ATL2: variants seen among roughly 807,000 people sequenced by gnomAD.
ATL2 encodes atlastin-2.
ATL2 carries 31 observed loss-of-function variants against 73.9 expected under a neutral mutation model. The observed-to-expected ratio is 0.42, with a 90% CI of 0.32 to 0.57. The LOEUF (loss-of-function observed/expected upper bound fraction) is 0.57, where lower values mean the gene tolerates loss of function less well. Ranked by LOEUF, ATL2 falls within the 20% of genes least tolerant of loss-of-function variation. ATL2 has a pLI of 0.14. For synonymous variants in ATL2, 291 were observed against 237.5 expected (o/e 1.23, Z -2.07); for missense variants, 738 against 702.6 (o/e 1.05, Z -0.57).
chr2:38,306,731 A>G (rs957628878), intron 9 of ATL2, among the ~76,000 whole-genome samples: 2 of 152,246 alleles, frequency 1.3e-5, no homozygotes, highest in African/African-American at 4.8e-5. Context: ...CAAAAGGTAC[A>G]GAAGAAACAG....
In ATL2 at chr2:38,325,679, CACACACACACACACACCAGT is replaced by C. The variant is rs1367046311; in HGVS notation, c.364-6680_364-6661del. Among the ~76,000 whole-genome samples, 58 of 76,706 alleles carry C rather than the reference CACACACACACACACACCAGT, an allele frequency of 7.6e-4. 1 individual carries two copies. The highest frequency in any genetic ancestry group is 3.9e-3 in the African/African-American group (32 of 8,134). The allele number at this position is 76,706 out of a possible 152,430, so 50.3% of individuals were successfully genotyped here. A position where few individuals can be genotyped will look rare whatever the true frequency, so the allele number is the denominator to read the frequency against. ...ACACCAGTACACACACACACACACA[CACACACACACACACACCAGT>C]ACACACACACACACACACACACACA... On this transcript the variant is annotated intron_variant, in intron 2 of 12. Coordinates refer to ENST00000378954, the MANE Select transcript of ATL2 (RefSeq NM_001135673.4).
intron 1 of ATL2, among the ~76,000 whole-genome samples, chr2:38,365,143 A>ACACACACACACACACG (rs1671240957): frequency 6.7e-6 from 1 of 148,266 alleles, no homozygotes; most frequent in Non-Finnish European, 1.5e-5. Flanking sequence ...ATACACACAC[A>ACACACACACACACACG]CACACACACA....
rs755842865 is a variant in ATL2, at chr2:38,318,588, T to C, written c.550A>G (p.Ile184Val). ...TQGAFDSQST[I>V]KDCATVFALS... The stretch of plus-strand genomic sequence containing the variant: ...GCAAACACCGTTGCACAGTCTTTGA[T>C]AGTTGACTGGCTATCAAAGGCACCC... The change falls in exon 4 of 13, where the codon ATC (isoleucine) becomes GTC (valine). Residue 184 changes from isoleucine (I) to valine (V), a missense_variant. Physicochemically the swap from Ile to Val is conservative, Grantham distance 29. Transcript: ENST00000378954. The C allele has an allele frequency of 3.7e-6, 6 of 1,612,936 alleles. No homozygotes were observed. The highest frequency in any genetic ancestry group is 2.7e-5 in the African/African-American group (2 of 74,838).
intron 2 of ATL2, among the ~76,000 whole-genome samples, chr2:38,339,015 A>G (rs1669537988): frequency 6.6e-6 from 1 of 152,136 alleles, no homozygotes; most frequent in Non-Finnish European, 1.5e-5. Context: ...CAGGAGTTTG[A>G]GACCAGCCTA....
chr2:38,341,172 A>T (rs371933337), intron 2 of ATL2, among the ~76,000 whole-genome samples: 1 of 152,244 alleles, frequency 6.6e-6, no homozygotes, highest in East Asian at 1.9e-4. Context: ...CATTTGCACT[A>T]AACAGCTTAG....
At chr2:38,376,406 C>A in intron 1 of ATL2, 2 of 434,346 alleles carry the variant, frequency 4.6e-6, no homozygotes, top group African/African-American at 1.9e-5. Context: ...CAGACACTTT[C>A]AGAGTGATCA....
chr2:38,360,335 C>G (rs28420166), intron 1 of ATL2, among the ~76,000 whole-genome samples: 17,868 of 150,648 alleles, frequency 0.12, 3,152 homozygotes, highest in African/African-American at 0.39. Context: ...GCCCAGGCTG[C>G]AGTACAGTGG....
upstream of ATL2, chr2:38,377,365 T>A: frequency 1.4e-5 from 12 of 848,952 alleles, no homozygotes; most frequent in Non-Finnish European, 1.9e-5. Context: ...AGCGCCGCTC[T>A]CCGCCTGTAT....
At chr2:38,334,551 A>G (rs1351205997) in intron 2 of ATL2, among the ~76,000 whole-genome samples, 1 of 151,444 alleles carries the variant, frequency 6.6e-6, no homozygotes, top group Non-Finnish European at 1.5e-5. Context: ...ATACAAAATT[A>G]GCCGGGCGTA....
At chr2:38,300,415 ATAAT>A (rs1667126676) in intron 9 of ATL2, 87 bp from the exon 10 acceptor site, 1 of 877,294 alleles carries the variant, frequency 1.1e-6, no homozygotes, top group South Asian at 1.5e-5. Context: ...AAATATAAAA[ATAAT>A]TAACACCATT....
rs75055366 is a variant in ATL2, at chr2:38,318,652, G to A, written c.499-13C>T. 11 of 1,567,478 alleles carry A rather than the reference G, an allele frequency of 7.0e-6. No individual in the cohort carries two copies. The South Asian group carries it at 1.2e-4, about 17-fold the overall frequency. On this transcript the variant is annotated splice_polypyrimidine_tract_variant and intron_variant, in intron 3 of 12. Transcript: ENST00000378954. ...GCAGCACAGCAACCTAGGAATTTGAGAGTTTAAAATATTTAGTAAAACAGT... is the reference window on the plus strand; with the variant it reads ...GCAGCACAGCAACCTAGGAATTTGAAAGTTTAAAATATTTAGTAAAACAGT...
intron 5 of ATL2, 37 bp from the exon 6 acceptor site, chr2:38,314,701 G>C: frequency 2.2e-6 from 3 of 1,356,066 alleles, no homozygotes; most frequent in Non-Finnish European, 3.1e-6. Flanking sequence ...TGCCTCTAAA[G>C]AGATTGAAAG....
intron 1 of ATL2, among the ~76,000 whole-genome samples, chr2:38,353,395 TC>T (rs1268203285): frequency 2.0e-5 from 3 of 152,278 alleles, no homozygotes; most frequent in Admixed American, 2.0e-4. Context: ...AAAGAGATTT[TC>T]TAATCTGAAG....
chr2:38,346,698 G>A (rs1196845280), intron 1 of ATL2, among the ~76,000 whole-genome samples: 1 of 152,166 alleles, frequency 6.6e-6, no homozygotes, highest in Non-Finnish European at 1.5e-5. Context: ...TGTCACCATG[G>A]GTCTGACAGG....
intron 2 of ATL2, among the ~76,000 whole-genome samples, chr2:38,326,864 T>C (rs1668691983): frequency 6.6e-6 from 1 of 152,106 alleles, no homozygotes; most frequent in Non-Finnish European, 1.5e-5. Flanking sequence ...GGCACACACC[T>C]GTAGTCCCAG....
At chr2:38,344,175 A>T (rs776555670) in intron 1 of ATL2, among the ~76,000 whole-genome samples, 1 of 151,438 alleles carries the variant, frequency 6.6e-6, no homozygotes, top group Non-Finnish European at 1.5e-5. Flanking sequence ...TATTCTGTAA[A>T]TAACTTTTCC....
chr2:38,334,137 C>A (rs977147910), intron 2 of ATL2, among the ~76,000 whole-genome samples: 24 of 148,492 alleles, frequency 1.6e-4, no homozygotes, highest in African/African-American at 5.3e-4. Flanking sequence ...TCAAGAGGTT[C>A]TCCTGCCTCA....
At chr2:38,315,502 TA>T (rs1219488318) in intron 4 of ATL2, among the ~76,000 whole-genome samples, 168 bp from the exon 5 acceptor site, 1 of 152,168 alleles carries the variant, frequency 6.6e-6, no homozygotes, top group Non-Finnish European at 1.5e-5. Flanking sequence ...TCTTTTTTCC[TA>T]ACAATAGTCA....
chr2:38,366,143 C>T (rs1193840435), intron 1 of ATL2, among the ~76,000 whole-genome samples: 2 of 148,462 alleles, frequency 1.3e-5, no homozygotes, highest in Admixed American at 6.7e-5. Context: ...TCGCACTATA[C>T]TCTCCTTTTG....
Sources: gnomAD v4.1 joint callset for allele counts (sites outside exome capture counted in the v4.1 genomes callset) on GRCh38, gnomAD v4.1.1 for gene constraint, MANE v1.5 for transcripts, NCBI Gene and HGNC (gene_info 2026-07-23, HGNC 2026-07-21) for gene names.